MGAM: variants seen among roughly 807,000 people sequenced by gnomAD.
MGAM encodes alpha-1,4-glucosidase.
Under a neutral mutation model 358.8 loss-of-function variants are expected in MGAM, and 253 were observed. The observed-to-expected ratio is 0.71, with a 90% CI of 0.64 to 0.78. The LOEUF (loss-of-function observed/expected upper bound fraction) is 0.78. Ranked by LOEUF, MGAM falls within the 30% of genes least tolerant of loss-of-function variation. MGAM has a pLI of 0.00. For synonymous variants in MGAM, 1,105 were observed against 1,227.1 expected (o/e 0.90, Z 2.08); for missense variants, 3,080 against 3,432.6 (o/e 0.90, Z 2.57).
At chr7:142,028,872 A>G (rs1044767276) in intron 10 of MGAM, among the ~76,000 whole-genome samples, 4 of 150,660 alleles carry the variant, frequency 2.7e-5, no homozygotes, top group South Asian at 2.1e-4. Context: ...CTCCAGCATG[A>G]CGTGTCTTTA....
intron 2 of MGAM, 88 bp downstream of exon 2, chr7:142,005,745 CAT>C (rs1805106666): frequency 2.3e-6 from 3 of 1,329,930 alleles, no homozygotes; most frequent in Non-Finnish European, 3.1e-6. Context: ...CTTTCATGCT[CAT>C]GTGTGTATGT....
At chr7:142,097,750 C>G in intron 66 of MGAM, 101 bp downstream of exon 66, 1 of 1,303,092 alleles carries the variant, frequency 7.7e-7, no homozygotes, top group Non-Finnish European at 1.1e-6. Context: ...CTGTAACCCA[C>G]CTGCTGTGTG....
intron 21 of MGAM, among the ~76,000 whole-genome samples, chr7:142,042,024 TATTATATTATATAC>T (rs1808809143): frequency 4.4e-5 from 1 of 22,486 alleles, no homozygotes; most frequent in Non-Finnish European, 6.6e-5. Context: ...AATATATATA[TATTATATTATATAC>T]ATATAATATA....
chr7:142,036,341 C>A, intron 17 of MGAM, 56 bp downstream of exon 17: 1 of 1,312,762 alleles, frequency 7.6e-7, no homozygotes. Context: ...AGGACTAGAT[C>A]TGTCTGCATC....
rs1369273332 is a variant in MGAM at position 142,069,264 on chromosome 7, T to A, written c.5061+561T>A. Among the ~76,000 whole-genome samples, 7 of 145,610 alleles carry A rather than the reference T, an allele frequency of 4.8e-5. 1 individual carries two copies. In the South Asian group the frequency reaches 1.5e-3, roughly 32 times the overall value. On this transcript the variant is annotated intron_variant, in intron 43 of 70. Transcript: ENST00000475668. ...CCCTTGTGTGTCTAAGTAGTGCAAG[T>A]GCATTTAGAAATGAGGAAGCAATGA...
At chr7:142,020,840 C>A (rs1388348131) in intron 4 of MGAM, 134 bp from the exon 5 acceptor site, 2 of 661,334 alleles carry the variant, frequency 3.0e-6, no homozygotes, top group Non-Finnish European at 5.3e-6. Flanking sequence ...GATCCACCTG[C>A]CTTGGCCTCC....
chr7:142,090,685 G>C (rs534108807), intron 57 of MGAM, among the ~76,000 whole-genome samples: 5 of 145,644 alleles, frequency 3.4e-5, no homozygotes, highest in Admixed American at 6.9e-5. Flanking sequence ...TTGCCTCCCC[G>C]AACCTCCTCA....
rs1320428610 is a variant in MGAM at position 142,042,456 on chromosome 7, C to T, written c.2498+1610C>T. On this transcript the variant is annotated intron_variant, in intron 21 of 70. Transcript: ENST00000475668. ...ATATAACATATAATATATAATATAA[C>T]ATATAATATATAATATATAATATAT... 4.3e-4 allele frequency among the ~76,000 whole-genome samples: 7 copies of T among 16,462 alleles called. 1 individual carries two copies. The highest frequency in any genetic ancestry group is 7.6e-4 in the Non-Finnish European group (7 of 9,250). 10.8% of individuals were successfully genotyped at this position (16,462 alleles called of 152,430 possible).
intron 55 of MGAM, 90 bp from the exon 56 acceptor site, chr7:142,086,128 C>T: frequency 7.0e-7 from 1 of 1,420,834 alleles, no homozygotes; most frequent in Non-Finnish European, 9.6e-7. Flanking sequence ...TAGAAGCCAA[C>T]AAGTTCGCCC....
In MGAM at chr7:142,082,123, T is replaced by C. The variant is rs1563205647; in HGVS notation, c.6084T>C (p.Tyr2028=). Residue 2028 remains tyrosine (Y), a synonymous_variant, in exon 51 of 71, where the codon TAT becomes TAC. Transcript: ENST00000475668. ...CCCGCCTTCCCTCCAAGTACCTCTA[T>C]GGCTTTGGGGAGACTGAGCACACGT... is the stretch of plus-strand genomic sequence containing the variant. ...ISTRLPSKYL[Y]GFGETEHTSY... 2 of 1,555,920 alleles carry C rather than the reference T, an allele frequency of 1.3e-6. No homozygotes were observed. The highest frequency in any genetic ancestry group is 8.8e-7 in the Non-Finnish European group (1 of 1,132,388).
In MGAM at chr7:142,050,683, T is replaced by G; in HGVS notation, c.2638-14T>G. 2 of 1,610,730 alleles carry G rather than the reference T, an allele frequency of 1.2e-6. No homozygotes were observed. The highest frequency in any genetic ancestry group is 1.7e-6 in the Non-Finnish European group (2 of 1,177,502). On this transcript the variant is annotated splice_polypyrimidine_tract_variant and intron_variant, in intron 23 of 70. Transcript: ENST00000475668. ...ATATACCTTTATGCATACTTGGACT[T>G]AATTGTTTTGCAGAACCGCTTGGAG...
intron 21 of MGAM, among the ~76,000 whole-genome samples, chr7:142,046,521 C>T (rs1371068663): frequency 6.6e-6 from 1 of 152,086 alleles, no homozygotes; most frequent in African/African-American, 2.4e-5. Context: ...GGTTCACATT[C>T]TCTACCTTGG....
chr7:142,061,979 G>A (rs965481021), intron 34 of MGAM, among the ~76,000 whole-genome samples: 1 of 152,200 alleles, frequency 6.6e-6, no homozygotes, highest in Non-Finnish European at 1.5e-5. Context: ...TTTATTATGT[G>A]AGGGTAGAGG....
rs141604373 is a variant in MGAM, at chr7:142,047,888, G to T, written c.2587+15G>T. 4.4e-6 allele frequency: 7 copies of T among 1,576,464 alleles called. No individual in the cohort carries two copies. The highest frequency in any genetic ancestry group is 1.3e-5 in the African/African-American group (1 of 74,150). On this transcript the variant is annotated intron_variant, in intron 22 of 70. Coordinates refer to ENST00000475668, the MANE Select transcript of MGAM (RefSeq NM_001365693.1). ...GGAAACGAAGGGTGAGCACTTATAC[G>T]ATAATGTTGCTGTTTCCCAACCTGC... is the stretch of plus-strand genomic sequence containing the variant.
rs373564925 is a variant in MGAM at position 142,071,155 on chromosome 7, G to C, written c.5186+37G>C. ...GACTCAGGTTTTCCTTTACATTTCAGTTAGCTCAACAATTTGTGATGAAGT... is the reference window on the plus strand; with the variant it reads ...GACTCAGGTTTTCCTTTACATTTCACTTAGCTCAACAATTTGTGATGAAGT... On this transcript the variant is annotated intron_variant, in intron 44 of 70. Transcript: ENST00000475668. 9.8e-6 allele frequency: 15 copies of C among 1,526,496 alleles called. 1 individual carries two copies. The highest frequency in any genetic ancestry group is 2.7e-6 in the Non-Finnish European group (3 of 1,113,790). 94.6% of individuals were successfully genotyped at this position (1,526,496 alleles called of 1,614,324 possible). A position where few individuals can be genotyped will look rare whatever the true frequency, so the allele number is the denominator to read the frequency against.
In MGAM at chr7:142,095,699, G is replaced by C; in HGVS notation, c.7593G>C (p.Arg2531=). ...ACACGGAGGGCGTCACTGTTGTGCGGCCTCTGCTCCATGAGTGAGTGTCCA... is the reference window on the plus strand; with the variant it reads ...ACACGGAGGGCGTCACTGTTGTGCGCCCTCTGCTCCATGAGTGAGTGTCCA... ...KAHTEGVTVV[R]PLLHEFVSDQ... is the part of the protein sequence containing the mutation. The change falls in exon 64 of 71, where the codon CGG becomes CGC. Residue 2531 remains arginine (R), a synonymous_variant. Coordinates refer to ENST00000475668, the MANE Select transcript of MGAM (RefSeq NM_001365693.1). 6.2e-7 allele frequency: 1 copy of C among 1,613,974 alleles called. No individual in the cohort carries two copies. The highest frequency in any genetic ancestry group is 8.5e-7 in the Non-Finnish European group (1 of 1,179,874).
At chr7:142,062,345 C>T (rs1812293229) in intron 34 of MGAM, among the ~76,000 whole-genome samples, 1 of 152,170 alleles carries the variant, frequency 6.6e-6, no homozygotes. Context: ...AGGAAGAGAA[C>T]AGTTTTTGGA....
In MGAM at chr7:142,036,695, G is replaced by A. The variant is rs1408967560; in HGVS notation, c.2077-128G>A. On this transcript the variant is annotated intron_variant, in intron 17 of 70. Transcript: ENST00000475668. ...ACACTTGGTACTACTCAGAAGCGAG[G>A]TTTGCAACCTTGGCCTCTGTCATTC... The A allele has an allele frequency of 3.9e-6, 4 of 1,014,168 alleles. No individual in the cohort carries two copies. The African/African-American group carries it at 4.9e-5, about 12-fold the overall frequency. 62.8% of individuals were successfully genotyped at this position (1,014,168 alleles called of 1,614,324 possible).
chr7:142,094,274 G>T, intron 60 of MGAM, 90 bp from the exon 61 acceptor site: 1 of 1,408,346 alleles, frequency 7.1e-7, no homozygotes, highest in South Asian at 1.3e-5. Context: ...AGCAAACATT[G>T]ACTAGGCTCA....
Sources: allele counts gnomAD v4.1 joint callset (sites outside exome capture counted in the v4.1 genomes callset), GRCh38; gene constraint gnomAD v4.1.1; transcripts MANE v1.5; gene names NCBI Gene and HGNC (gene_info 2026-07-23, HGNC 2026-07-21).